Variants in FLRT2 observed in about 807,000 individuals in gnomAD.
FLRT2 encodes fibronectin leucine rich transmembrane protein 2, also known as leucine-rich repeat transmembrane protein FLRT2.
In FLRT2, 15 loss-of-function variants were observed where a neutral mutation model predicts 40.0. That is an observed-to-expected ratio of 0.38 (90% CI 0.25 to 0.58). The LOEUF (loss-of-function observed/expected upper bound fraction) is 0.58, where lower values mean the gene tolerates loss of function less well. Ranked by LOEUF, FLRT2 falls within the 20% of genes least tolerant of loss-of-function variation. FLRT2 has a pLI of 0.71. For synonymous variants in FLRT2, 380 were observed against 336.8 expected, an observed-to-expected ratio of 1.13 and a Z score of -1.41; for missense variants, 726 against 840.0, an observed-to-expected ratio of 0.86 and a Z score of 1.68.
At position 85,643,460 on chromosome 14, in the gene FLRT2, T is replaced by C. The variant is rs568276803; in HGVS notation, c.*19963T>C. ...CAGGCAGGAATGCAGTGGCGTGATCTCAGCTCACTGCAACCTCCGCCTCCT... is the reference window on the plus strand; with the variant it reads ...CAGGCAGGAATGCAGTGGCGTGATCCCAGCTCACTGCAACCTCCGCCTCCT... On this transcript the variant is annotated 3_prime_UTR_variant, in exon 2 of 2. Coordinates refer to ENST00000330753, the MANE Select transcript of FLRT2 (RefSeq NM_013231.6). 2 of 152,204 alleles carry C rather than the reference T, an allele frequency of 1.3e-5. No individual in the cohort carries two copies. Among genetic ancestry groups the C allele is most frequent in the East Asian group, 1.9e-4 (1 of 5,164 alleles). The allele number at this position is 152,204 out of a possible 1,614,324, so 9.4% of individuals were successfully genotyped here.
At chr14:85,533,931 G>A (rs955260713) in intron 1 of FLRT2, among the ~76,000 whole-genome samples, 10 of 152,288 alleles carry the variant, frequency 6.6e-5, no homozygotes, top group Non-Finnish European at 1.0e-4. Context: ...GGATCTGGGG[G>A]AGGGCGCGGC....
intron 1 of FLRT2, among the ~76,000 whole-genome samples, chr14:85,567,599 C>CT (rs1473355241): frequency 6.7e-6 from 1 of 149,232 alleles, no homozygotes; most frequent in African/African-American, 2.5e-5. Context: ...TTGTGAAAGG[C>CT]TTAGAAGAGG....
chr14:85,612,141 AAAAAAAG>A (rs1892914537), intron 1 of FLRT2, among the ~76,000 whole-genome samples: 1 of 47,802 alleles, frequency 2.1e-5, no homozygotes, highest in African/African-American at 7.7e-5. Context: ...GGAACTCTTT[AAAAAAAG>A]AAAAAAAAAA....
intron 1 of FLRT2, among the ~76,000 whole-genome samples, chr14:85,619,115 G>T (rs1484215591): frequency 1.4e-5 from 2 of 147,856 alleles, no homozygotes; most frequent in Admixed American, 6.8e-5. Flanking sequence ...TTTGAGGCAG[G>T]TTCTTGCTCT....
intron 1 of FLRT2, among the ~76,000 whole-genome samples, chr14:85,566,453 C>G (rs1272595909): frequency 6.6e-6 from 1 of 151,782 alleles, no homozygotes; most frequent in African/African-American, 2.4e-5. Context: ...ATAAAGGAAT[C>G]AAGAAAATTA....
chr14:85,630,181 T>C lies in FLRT2; in HGVS notation c.*6684T>C, dbSNP rs138307296. ...TAGGGGATATTATATAAGCTTTATT[T>C]TCACTGGCTCTACTGAAAGTTAAGG... On this transcript the variant is annotated 3_prime_UTR_variant, in exon 2 of 2. Coordinates refer to ENST00000330753, the MANE Select transcript of FLRT2 (RefSeq NM_013231.6). 6.6e-6 allele frequency: 1 copy of C among 152,246 alleles called. No individual in the cohort carries two copies. The highest frequency in any genetic ancestry group is 1.9e-4 in the East Asian group (1 of 5,176). 9.4% of individuals were successfully genotyped at this position (152,246 alleles called of 1,614,324 possible). A position where few individuals can be genotyped will look rare whatever the true frequency, so the allele number is the denominator to read the frequency against.
chr14:85,636,522 TTACTC>T lies in FLRT2; in HGVS notation c.*13028_*13032del, dbSNP rs1331742742. The T allele has an allele frequency of 1.3e-5, 2 of 151,904 alleles. No homozygotes were observed. Among genetic ancestry groups the T allele is most frequent in the Non-Finnish European group, 2.9e-5 (2 of 67,978 alleles). The allele number at this position is 151,904 out of a possible 1,614,324, so 9.4% of individuals were successfully genotyped here. On this transcript the variant is annotated 3_prime_UTR_variant, in exon 2 of 2. Coordinates refer to ENST00000330753, the MANE Select transcript of FLRT2 (RefSeq NM_013231.6). ...AATATAGCTGTCACTATGGAAGTAA[TTACTC>T]TAAAGGAAATCTGTTTTAAAAAGCC... is the stretch of plus-strand genomic sequence containing the variant.
rs555076219 is a variant in FLRT2, at chr14:85,650,518, A to G, written c.*27021A>G. 7 of 152,098 alleles carry G rather than the reference A, an allele frequency of 4.6e-5. No individual in the cohort carries two copies. In the South Asian group the frequency reaches 8.3e-4, roughly 18 times the overall value. 9.4% of individuals were successfully genotyped at this position (152,098 alleles called of 1,614,324 possible). On this transcript the variant is annotated 3_prime_UTR_variant, in exon 2 of 2. Coordinates refer to ENST00000330753, the MANE Select transcript of FLRT2 (RefSeq NM_013231.6). ...TTGAATTGCTAAAATTGAACATTCA[A>G]TTTTCATTTTTAACTTTACTAAATA...
Position 85,648,353 on chromosome 14 carries a change from T to C in FLRT2, c.*24856T>C, listed in dbSNP as rs1026997567. Reference sequence around the variant, plus strand: ...AAGCCCACATGTGCATTTCCCAGAGTCCCTTGTTGCTAGGGGGCTGAATGC... The same window carrying C: ...AAGCCCACATGTGCATTTCCCAGAGCCCCTTGTTGCTAGGGGGCTGAATGC... On this transcript the variant is annotated 3_prime_UTR_variant, in exon 2 of 2. Transcript: ENST00000330753. The C allele has an allele frequency of 3.9e-5, 6 of 152,126 alleles. No homozygotes were observed. The highest frequency in any genetic ancestry group is 1.4e-4 in the African/African-American group (6 of 41,428). 9.4% of individuals were successfully genotyped at this position (152,126 alleles called of 1,614,324 possible).
rs1894288963 is a variant in FLRT2, at chr14:85,645,904, C to T, written c.*22407C>T. On this transcript the variant is annotated 3_prime_UTR_variant, in exon 2 of 2. Transcript: ENST00000330753. ...TGATACTCTCATATTGCACTATTCA[C>T]TAGGAGGTTCAGCAATCTATTTAGT... 6.6e-6 allele frequency: 1 copy of T among 152,176 alleles called. No individual in the cohort carries two copies. Among genetic ancestry groups the T allele is most frequent in the South Asian group, 2.1e-4 (1 of 4,828 alleles). 9.4% of individuals were successfully genotyped at this position (152,176 alleles called of 1,614,324 possible). A position where few individuals can be genotyped will look rare whatever the true frequency, so the allele number is the denominator to read the frequency against.
intron 1 of FLRT2, among the ~76,000 whole-genome samples, chr14:85,553,919 T>TA (rs1347328557): frequency 1.3e-5 from 2 of 152,104 alleles, no homozygotes; most frequent in Non-Finnish European, 2.9e-5. Context: ...CAAACTACTT[T>TA]AAAAAACAAT....
At chr14:85,581,903 A>C (rs1193683431) in intron 1 of FLRT2, among the ~76,000 whole-genome samples, 1 of 152,182 alleles carries the variant, frequency 6.6e-6, no homozygotes, top group Non-Finnish European at 1.5e-5. Flanking sequence ...ATGTGATTCT[A>C]TGTCATTTCA....
chr14:85,601,370 A>G (rs1053853253), intron 1 of FLRT2, among the ~76,000 whole-genome samples: 2 of 152,214 alleles, frequency 1.3e-5, no homozygotes, highest in Non-Finnish European at 2.9e-5. Flanking sequence ...CATGATCCTA[A>G]TAAAGAGGTT....
rs1893998881 is a variant in FLRT2, at chr14:85,636,383, A to T, written c.*12886A>T. 1 of 88,346 alleles carries T rather than the reference A, an allele frequency of 1.1e-5. No individual in the cohort carries two copies. The highest frequency in any genetic ancestry group is 4.6e-5 in the African/African-American group (1 of 21,592). 5.5% of individuals were successfully genotyped at this position (88,346 alleles called of 1,614,324 possible). On this transcript the variant is annotated 3_prime_UTR_variant, in exon 2 of 2. Coordinates refer to ENST00000330753, the MANE Select transcript of FLRT2 (RefSeq NM_013231.6). Reference sequence around the variant, plus strand: ...ATGTAGGAAAATCAAAGGTGAAGTCACCTGCAGAAAAAAAAAAAAAAAAAA... The same window carrying T: ...ATGTAGGAAAATCAAAGGTGAAGTCTCCTGCAGAAAAAAAAAAAAAAAAAA...
Position 85,621,173 on chromosome 14 carries a change from C to A in FLRT2, c.-342C>A. 3.4e-6 allele frequency: 1 copy of A among 297,376 alleles called. No individual in the cohort carries two copies. The highest frequency in any genetic ancestry group is 6.3e-6 in the Non-Finnish European group (1 of 159,924). 18.4% of individuals were successfully genotyped at this position (297,376 alleles called of 1,614,324 possible). On this transcript the variant is annotated 5_prime_UTR_variant, in exon 2 of 2. Transcript: ENST00000330753. The stretch of plus-strand genomic sequence containing the variant: ...TGAGCTTAACCAAGAAGTTCGTAGG[C>A]TAATCAAGGCTGGCTTGACCTACAA...
chr14:85,534,128 C>T (rs903914491), intron 1 of FLRT2, among the ~76,000 whole-genome samples: 1 of 152,212 alleles, frequency 6.6e-6, no homozygotes, highest in African/African-American at 2.4e-5. Context: ...GGGATGAGCA[C>T]CGAGCGCTGG....
Position 85,653,768 on chromosome 14 carries a change from GT to G in FLRT2, c.*30275del, listed in dbSNP as rs2139414192. On this transcript the variant is annotated 3_prime_UTR_variant, in exon 2 of 2. Transcript: ENST00000330753. ...CATTCCTGGCTTGTGTTGCAGGGAT[GT>G]TTTGAGGATATGTTGATGTGTGTGA... is the stretch of plus-strand genomic sequence containing the variant. 6.6e-6 allele frequency: 1 copy of G among 152,274 alleles called. No individual in the cohort carries two copies. The highest frequency in any genetic ancestry group is 1.5e-5 in the Non-Finnish European group (1 of 68,044). The allele number at this position is 152,274 out of a possible 1,614,324, so 9.4% of individuals were successfully genotyped here.
intron 1 of FLRT2, among the ~76,000 whole-genome samples, chr14:85,538,895 T>G (rs1419632498): frequency 2.6e-5 from 4 of 152,164 alleles, no homozygotes; most frequent in African/African-American, 9.7e-5. Context: ...TTCATCAGAA[T>G]CTAGCATCTA....
At chr14:85,554,825 T>C (rs1276594394) in intron 1 of FLRT2, among the ~76,000 whole-genome samples, 1 of 152,224 alleles carries the variant, frequency 6.6e-6, no homozygotes, top group African/African-American at 2.4e-5. Context: ...TCTGTATCAT[T>C]ACAGGATGCC....
Sources: gnomAD v4.1 joint callset for allele counts (sites outside exome capture counted in the v4.1 genomes callset) on GRCh38, gnomAD v4.1.1 for gene constraint, MANE v1.5 for transcripts, NCBI Gene and HGNC (gene_info 2026-07-23, HGNC 2026-07-21) for gene names.